The following CNTNAP2 variants were observed in gnomAD, a reference collection of about 807,000 sequenced individuals.
CNTNAP2 encodes contactin associated protein 2.
Under a neutral mutation model 155.2 loss-of-function variants are expected in CNTNAP2, and 98 were observed. The observed-to-expected ratio is 0.63, with a 90% CI of 0.54 to 0.75. CNTNAP2 has a LOEUF of 0.75. CNTNAP2 is among the 30% of genes least tolerant of loss of function. CNTNAP2 has a pLI of 0.00. For synonymous variants in CNTNAP2, 651 were observed against 631.2 expected (o/e 1.03, Z -0.47); for missense variants, 1,727 against 1,688.1 (o/e 1.02, Z -0.40).
intron 15 of CNTNAP2, among the ~76,000 whole-genome samples, chr7:147,978,851 G>A (rs73168530): frequency 6.6e-6 from 1 of 152,188 alleles, no homozygotes; most frequent in Non-Finnish European, 1.5e-5. Context: ...GACTTGCCAG[G>A]AGACCTCAGG....
intron 3 of CNTNAP2, among the ~76,000 whole-genome samples, chr7:146,878,573 A>C (rs1251634217): frequency 6.6e-6 from 1 of 152,062 alleles, no homozygotes; most frequent in African/African-American, 2.4e-5. Context: ...TTTTGAAAAA[A>C]TTATTTCACT....
rs182575859 is a variant in CNTNAP2 at position 148,335,183 on chromosome 7, G to A, written c.3476-48466G>A. ...AAAGTCCAAGAAGGAAAGAGCTCCC[G>A]TGGCTCAAGATGATGTCAGAGGCAA... On this transcript the variant is annotated intron_variant, in intron 21 of 23. Transcript: ENST00000361727. Among the ~76,000 whole-genome samples the A allele has an allele frequency of 7.9e-5, 12 of 152,310 alleles. No individual in the cohort carries two copies. The South Asian group carries it at 1.2e-3, about 16-fold the overall frequency.
At chr7:146,570,225 C>A (rs1236357999) in intron 1 of CNTNAP2, among the ~76,000 whole-genome samples, 1 of 144,438 alleles carries the variant, frequency 6.9e-6, no homozygotes, top group East Asian at 2.0e-4. Context: ...TTTTTTTTTT[C>A]TCTTTACCTT....
At chr7:147,463,527 C>A (rs927603676) in intron 10 of CNTNAP2, among the ~76,000 whole-genome samples, 16 of 152,062 alleles carry the variant, frequency 1.1e-4, no homozygotes, top group African/African-American at 3.6e-4. Flanking sequence ...TAAAACAAAA[C>A]CCTGTGTCAT....
At chr7:148,060,696 T>C (rs967299933) in intron 15 of CNTNAP2, among the ~76,000 whole-genome samples, 2 of 152,262 alleles carry the variant, frequency 1.3e-5, no homozygotes, top group African/African-American at 4.8e-5. Context: ...CTCACTTCCA[T>C]GTGTTCAATA....
chr7:148,326,174 T>C (rs1797883626), intron 21 of CNTNAP2, among the ~76,000 whole-genome samples: 1 of 151,954 alleles, frequency 6.6e-6, no homozygotes, highest in Admixed American at 6.6e-5. Flanking sequence ...GTGATTGTAA[T>C]GTACAGCCAA....
At chr7:147,694,741 C>A (rs1019793169) in intron 13 of CNTNAP2, among the ~76,000 whole-genome samples, 1 of 152,098 alleles carries the variant, frequency 6.6e-6, no homozygotes, top group South Asian at 2.1e-4. Context: ...GTTATCCTGG[C>A]AAGAGGCTTA....
chr7:147,373,177 C>T (rs915146012), intron 9 of CNTNAP2, among the ~76,000 whole-genome samples: 15 of 152,038 alleles, frequency 9.9e-5, no homozygotes, highest in Non-Finnish European at 1.2e-4. Flanking sequence ...TCAACAGGCT[C>T]TCTCTATTTA....
At chr7:147,389,076 G>C (rs554315097) in intron 9 of CNTNAP2, among the ~76,000 whole-genome samples, 25 of 152,262 alleles carry the variant, frequency 1.6e-4, no homozygotes, top group Middle Eastern at 3.4e-3. Flanking sequence ...CTATCTTCCT[G>C]CCTGCTGGGA....
chr7:147,034,457 T>C (rs892545668), intron 3 of CNTNAP2, among the ~76,000 whole-genome samples: 23 of 152,118 alleles, frequency 1.5e-4, no homozygotes, highest in African/African-American at 5.6e-4. Context: ...GGGTTTAGTG[T>C]TTACAGCTCC....
At chr7:148,015,158 C>T (rs1802154790) in intron 15 of CNTNAP2, among the ~76,000 whole-genome samples, 1 of 152,140 alleles carries the variant, frequency 6.6e-6, no homozygotes, top group African/African-American at 2.4e-5. Context: ...TGTCCATAAG[C>T]ATGAAGGAAA....
intron 8 of CNTNAP2, among the ~76,000 whole-genome samples, chr7:147,193,665 GT>G (rs754680326): frequency 9.2e-5 from 14 of 152,104 alleles, no homozygotes; most frequent in Non-Finnish European, 1.8e-4. Flanking sequence ...TTAGTGTTTT[GT>G]TAGAGAAACA....
At chr7:146,870,876 G>A (rs1357467053) in intron 3 of CNTNAP2, among the ~76,000 whole-genome samples, 1 of 152,062 alleles carries the variant, frequency 6.6e-6, no homozygotes, top group African/African-American at 2.4e-5. Context: ...TGAAACATGA[G>A]CTTTTAAGCT....
Position 147,354,211 on chromosome 7 carries a change from A to G in CNTNAP2, c.1499-41398A>G, listed in dbSNP as rs185061454. Among the ~76,000 whole-genome samples, 1,458 of 152,240 alleles carry G rather than the reference A, an allele frequency of 9.6e-3. 12 individuals carry two copies. Among genetic ancestry groups the G allele is most frequent in the Non-Finnish European group, 0.015 (1,033 of 68,018 alleles). On this transcript the variant is annotated intron_variant, in intron 9 of 23. Transcript: ENST00000361727. ...TGTTTTGGTCATGAAGTCCTTGCCC[A>G]TGCCTATGTACTAAATGGTATTTCC...
chr7:146,707,254 C>T (rs1800982327), intron 1 of CNTNAP2, among the ~76,000 whole-genome samples: 1 of 152,098 alleles, frequency 6.6e-6, no homozygotes, highest in Non-Finnish European at 1.5e-5. Context: ...ACAATACTAG[C>T]ACAGACTCCC....
At chr7:146,479,090 G>A (rs6968117) in intron 1 of CNTNAP2, among the ~76,000 whole-genome samples, 4,877 of 152,166 alleles carry the variant, frequency 0.032, 251 homozygotes, top group African/African-American at 0.11. Flanking sequence ...CTGACAAGGG[G>A]GTGTACTTCA....
chr7:148,385,653 G>A (rs762941453), intron 22 of CNTNAP2, among the ~76,000 whole-genome samples: 8 of 149,682 alleles, frequency 5.3e-5, no homozygotes, highest in Non-Finnish European at 1.2e-4. Flanking sequence ...GAACTTGTTT[G>A]TTAAGATCTG....
At chr7:147,666,892 T>G (rs2116960146) in intron 13 of CNTNAP2, among the ~76,000 whole-genome samples, 1 of 152,288 alleles carries the variant, frequency 6.6e-6, no homozygotes, top group Middle Eastern at 3.4e-3. Flanking sequence ...AACAAAATGA[T>G]GGAAGCTGAA....
chr7:146,468,632 T>TTTTG (rs1554437653), intron 1 of CNTNAP2, among the ~76,000 whole-genome samples: 3 of 152,176 alleles, frequency 2.0e-5, no homozygotes, highest in Non-Finnish European at 4.4e-5. Context: ...ACATAGTTTT[T>TTTTG]TTTGTTTGTT....
Sources: gnomAD v4.1 joint callset for allele counts (sites outside exome capture counted in the v4.1 genomes callset) on GRCh38, gnomAD v4.1.1 for gene constraint, MANE v1.5 for transcripts, NCBI Gene and HGNC (gene_info 2026-07-23, HGNC 2026-07-21) for gene names.